SMAD1: variants seen among roughly 807,000 people sequenced by gnomAD.
SMAD1 encodes SMAD family member 1.
In SMAD1, 6 loss-of-function variants were observed where a neutral mutation model predicts 41.6. That is an observed-to-expected ratio of 0.14 (90% CI 0.08 to 0.28). The LOEUF (loss-of-function observed/expected upper bound fraction) is 0.28. Among genes scored for constraint, SMAD1 ranks in the 10% least tolerant of loss-of-function variants. SMAD1 has a pLI of 1.00. For missense variants in SMAD1, 379 were observed against 582.6 expected, an observed-to-expected ratio of 0.65 and a Z score of 3.60; for synonymous variants, 206 against 203.2, an observed-to-expected ratio of 1.01 and a Z score of -0.12.
At chr4:145,543,677 C>T (rs1472971744) in intron 4 of SMAD1, among the ~76,000 whole-genome samples, 1 of 152,134 alleles carries the variant, frequency 6.6e-6, no homozygotes, top group African/African-American at 2.4e-5. Flanking sequence ...TCCAGCTCTA[C>T]ATAGGCAAGT....
chr4:145,527,546 C>G (rs760070434), intron 2 of SMAD1, among the ~76,000 whole-genome samples: 1 of 152,054 alleles, frequency 6.6e-6, no homozygotes, highest in Non-Finnish European at 1.5e-5. Flanking sequence ...ATTCTAACAA[C>G]GACTGCCGGA....
At chr4:145,510,389 T>G (rs1730012544) in intron 1 of SMAD1, among the ~76,000 whole-genome samples, 1 of 152,136 alleles carries the variant, frequency 6.6e-6, no homozygotes, top group Non-Finnish European at 1.5e-5. Flanking sequence ...TATATGCATT[T>G]AAGACTATAA....
intron 1 of SMAD1, among the ~76,000 whole-genome samples, chr4:145,489,896 A>C (rs1728683851): frequency 6.6e-6 from 1 of 152,202 alleles, no homozygotes; most frequent in Non-Finnish European, 1.5e-5. Flanking sequence ...AGACTGCCTG[A>C]GAGGCTGTTT....
At chr4:145,539,018 T>C (rs1440762473) in intron 2 of SMAD1, among the ~76,000 whole-genome samples, 1 of 152,230 alleles carries the variant, frequency 6.6e-6, no homozygotes, top group East Asian at 1.9e-4. Flanking sequence ...TGACAGGAGT[T>C]GTTTTCTTTG....
intron 5 of SMAD1, among the ~76,000 whole-genome samples, chr4:145,549,888 G>GAAACC (rs1221357943): frequency 6.6e-6 from 1 of 152,094 alleles, no homozygotes; most frequent in African/African-American, 2.4e-5. Context: ...TCTTTCTGTG[G>GAAACC]TCTGTAAACC....
chr4:145,527,795 G>A (rs1383409722), intron 2 of SMAD1, among the ~76,000 whole-genome samples: 1 of 151,846 alleles, frequency 6.6e-6, no homozygotes, highest in Non-Finnish European at 1.5e-5. Context: ...CATGAGTTTT[G>A]GATTGCGAGT....
intron 6 of SMAD1, among the ~76,000 whole-genome samples, chr4:145,556,736 G>A (rs918959344): frequency 3.3e-5 from 5 of 152,128 alleles, no homozygotes; most frequent in Admixed American, 1.3e-4. Flanking sequence ...TGTCACCGAC[G>A]CCAGAGTGCA....
chr4:145,534,790 T>C (rs951748030), intron 2 of SMAD1, among the ~76,000 whole-genome samples: 9 of 152,160 alleles, frequency 5.9e-5, no homozygotes, highest in Admixed American at 2.0e-4. Context: ...AAATAAATTA[T>C]GAAACTTTAT....
chr4:145,557,754 TAAAC>T (rs1732924275), intron 6 of SMAD1, 33 bp from the exon 7 acceptor site: 1 of 1,552,772 alleles, frequency 6.4e-7, no homozygotes, highest in Non-Finnish European at 8.8e-7. Flanking sequence ...ACCACTGAGT[TAAAC>T]AAGTTAAATG....
Position 145,514,283 on chromosome 4 carries a change from G to C in SMAD1, c.-176-155G>C, listed in dbSNP as rs1488306858. Among the ~76,000 whole-genome samples, 1 of 152,150 alleles carries C rather than the reference G, an allele frequency of 6.6e-6. No homozygotes were observed. Among genetic ancestry groups the C allele is most frequent in the Admixed American group, 6.5e-5 (1 of 15,280 alleles). ...CCAAATATAGTCATACTGAGAGTTA[G>C]GGCTTCCGCATATGAATTTTAGGGG... On this transcript the variant is annotated intron_variant, in intron 1 of 6. Coordinates refer to ENST00000302085, the MANE Select transcript of SMAD1 (RefSeq NM_005900.3). This position sits in a 1 kb window ranked among gnomAD's most constrained non-coding sequence, Gnocchi z 4.7.
At chr4:145,515,594 G>C (rs1454873751) in intron 2 of SMAD1, among the ~76,000 whole-genome samples, 1 of 152,154 alleles carries the variant, frequency 6.6e-6, no homozygotes, top group East Asian at 1.9e-4. Flanking sequence ...GGAATCATTT[G>C]ATGCTATTAC....
At chr4:145,551,488 T>C (rs1281685317) in intron 5 of SMAD1, among the ~76,000 whole-genome samples, 5 of 152,122 alleles carry the variant, frequency 3.3e-5, no homozygotes, top group Non-Finnish European at 5.9e-5. Context: ...AGGTTAAAAA[T>C]ATGTCACAAA....
At chr4:145,550,782 C>T (rs1313490909) in intron 5 of SMAD1, among the ~76,000 whole-genome samples, 1 of 152,054 alleles carries the variant, frequency 6.6e-6, no homozygotes, top group African/African-American at 2.4e-5. Flanking sequence ...ATCCCCTTCC[C>T]AATAGCCACA....
At chr4:145,556,880 T>G (rs201936322) in intron 6 of SMAD1, among the ~76,000 whole-genome samples, 2 of 151,972 alleles carry the variant, frequency 1.3e-5, no homozygotes, top group African/African-American at 4.8e-5. Flanking sequence ...GTTTCACCAT[T>G]TTGGCCAGGC....
At chr4:145,547,242 G>A (rs954337183) in intron 5 of SMAD1, among the ~76,000 whole-genome samples, 2 of 152,140 alleles carry the variant, frequency 1.3e-5, no homozygotes, top group African/African-American at 4.8e-5. Context: ...AAAATTAAAA[G>A]CAAATTACAG....
chr4:145,550,163 GT>G (rs1732477901), intron 5 of SMAD1, among the ~76,000 whole-genome samples: 1 of 151,964 alleles, frequency 6.6e-6, no homozygotes, highest in Non-Finnish European at 1.5e-5. Flanking sequence ...TAGATGATAT[GT>G]TTGATTGACA....
chr4:145,504,562 C>T (rs189087675), intron 1 of SMAD1, among the ~76,000 whole-genome samples: 2 of 152,254 alleles, frequency 1.3e-5, no homozygotes, highest in East Asian at 1.9e-4. Flanking sequence ...TCTGTCTCCA[C>T]CTGTCTTCAT....
chr4:145,501,734 A>T (rs1268678771), intron 1 of SMAD1, among the ~76,000 whole-genome samples: 1 of 144,688 alleles, frequency 6.9e-6, no homozygotes, highest in African/African-American at 2.6e-5. Context: ...TTTTTTTTTT[A>T]AACTTGACTG....
intron 2 of SMAD1, among the ~76,000 whole-genome samples, chr4:145,518,879 A>G (rs1450329569): frequency 8.0e-6 from 1 of 125,534 alleles, no homozygotes; most frequent in African/African-American, 2.5e-5. Flanking sequence ...TAGAAAAGCT[A>G]ATTATTATTT....
Sources: allele counts gnomAD v4.1 joint callset (sites outside exome capture counted in the v4.1 genomes callset), GRCh38; gene constraint gnomAD v4.1.1; non-coding constraint Gnocchi (gnomAD v3.1); transcripts MANE v1.5; gene names NCBI Gene and HGNC (gene_info 2026-07-23, HGNC 2026-07-21).